Variants in SOX5 observed in about 807,000 individuals in gnomAD.
The protein encoded by SOX5 is transcription factor SOX-5.
A neutral mutation model predicts 92.0 loss-of-function variants in SOX5; 9 were observed. The ratio of observed to expected loss-of-function variants is 0.10; its 90% CI spans 0.06 to 0.17. SOX5 has a LOEUF of 0.17. Among genes scored for constraint, SOX5 ranks in the 10% least tolerant of loss-of-function variants. SOX5 has a pLI of 1.00. For missense variants in SOX5, 642 were observed against 944.5 expected (o/e 0.68, Z 4.20); for synonymous variants, 344 against 336.3 (o/e 1.02, Z -0.25).
At chr12:24,409,773 T>C (rs1402285185) in intron 1 of SOX5, among the ~76,000 whole-genome samples, 1 of 152,214 alleles carries the variant, frequency 6.6e-6, no homozygotes, top group African/African-American at 2.4e-5. Flanking sequence ...TCTTTTTACG[T>C]GCTTAGCTGC....
chr12:24,191,398 G>C (rs1956512401), intron 4 of SOX5, among the ~76,000 whole-genome samples: 1 of 152,162 alleles, frequency 6.6e-6, no homozygotes, highest in Non-Finnish European at 1.5e-5. Flanking sequence ...TGTGTTGGGA[G>C]AGTCTGCTGC....
intron 10 of SOX5, among the ~76,000 whole-genome samples, chr12:23,573,349 T>A (rs1198874301): frequency 6.6e-6 from 1 of 152,188 alleles, no homozygotes; most frequent in Non-Finnish European, 1.5e-5. Flanking sequence ...TTCAAACCAT[T>A]CATTAAAACT....
At chr12:23,657,810 G>C (rs1300261107) in intron 7 of SOX5, among the ~76,000 whole-genome samples, 1 of 152,122 alleles carries the variant, frequency 6.6e-6, no homozygotes, top group Non-Finnish European at 1.5e-5. Context: ...TCCATCTTAT[G>C]TTTATACATT....
intron 4 of SOX5, among the ~76,000 whole-genome samples, chr12:23,984,499 T>C (rs1014581806): frequency 6.6e-6 from 1 of 152,200 alleles, no homozygotes; most frequent in Non-Finnish European, 1.5e-5. Context: ...GAATAGTGTG[T>C]TCACAATTCT....
At chr12:23,694,582 T>C (rs953659552) in intron 6 of SOX5, among the ~76,000 whole-genome samples, 3 of 152,104 alleles carry the variant, frequency 2.0e-5, no homozygotes, top group Non-Finnish European at 4.4e-5. Context: ...TTACATACAA[T>C]AAATACAATA....
chr12:23,832,443 G>C (rs1212957859), intron 3 of SOX5, among the ~76,000 whole-genome samples: 1 of 151,942 alleles, frequency 6.6e-6, no homozygotes, highest in Non-Finnish European at 1.5e-5. Context: ...GTATATAAAA[G>C]TATTCTGGGA....
chr12:24,077,094 C>T (rs940528868), intron 4 of SOX5, among the ~76,000 whole-genome samples: 3 of 152,156 alleles, frequency 2.0e-5, no homozygotes, highest in African/African-American at 7.2e-5. Flanking sequence ...AAATAATTCA[C>T]TTTTGCAGAT....
At chr12:23,972,953 C>T (rs1422816674) in intron 4 of SOX5, among the ~76,000 whole-genome samples, 2 of 152,084 alleles carry the variant, frequency 1.3e-5, no homozygotes, top group Non-Finnish European at 2.9e-5. Context: ...ATCCACATCT[C>T]CCCTTTTCCC....
intron 2 of SOX5, chr12:24,367,873 A>G (rs920768019): frequency 2.6e-4 from 39 of 152,172 alleles, no homozygotes; most frequent in African/African-American, 9.4e-4. Context: ...CTATTCCCCT[A>G]CAATGAACTA....
intron 1 of SOX5, among the ~76,000 whole-genome samples, chr12:24,370,440 G>T (rs1012521458): frequency 7.7e-6 from 1 of 130,612 alleles, no homozygotes; most frequent in East Asian, 2.3e-4. Context: ...CTGCGCCACC[G>T]CACTCCAGCC....
intron 2 of SOX5, among the ~76,000 whole-genome samples, chr12:24,277,677 T>C (rs1259043782): frequency 6.6e-6 from 1 of 151,472 alleles, no homozygotes; most frequent in Non-Finnish European, 1.5e-5. Flanking sequence ...ACAATTAATC[T>C]AAAAACTCAG....
At chr12:24,531,767 G>A (rs1485243729) in intron 1 of SOX5, among the ~76,000 whole-genome samples, 7 of 152,070 alleles carry the variant, frequency 4.6e-5, no homozygotes, top group African/African-American at 1.7e-4. Flanking sequence ...TTATTCACTG[G>A]ACTTGGTCAA....
At chr12:24,460,477 A>C (rs535331951) in intron 1 of SOX5, 1 of 152,356 alleles carries the variant, frequency 6.6e-6, no homozygotes, top group East Asian at 1.9e-4. Flanking sequence ...TAAACGACAG[A>C]GATGCTCAAC....
intron 4 of SOX5, among the ~76,000 whole-genome samples, chr12:24,015,287 A>G (rs1435129859): frequency 6.6e-6 from 1 of 152,096 alleles, no homozygotes; most frequent in Non-Finnish European, 1.5e-5. Flanking sequence ...TTTCACAAAA[A>G]AGCCAGCCTC....
At chr12:23,680,739 T>C (rs990148832) in intron 6 of SOX5, among the ~76,000 whole-genome samples, 3 of 152,174 alleles carry the variant, frequency 2.0e-5, no homozygotes, top group Non-Finnish European at 4.4e-5. Flanking sequence ...AAGGCAAAGA[T>C]AAACCTTAAA....
intron 6 of SOX5, among the ~76,000 whole-genome samples, chr12:23,695,509 T>C (rs534346853): frequency 1.3e-5 from 2 of 152,338 alleles, no homozygotes; most frequent in South Asian, 2.1e-4. Flanking sequence ...TAAATAAGTA[T>C]TGAGTTTTGT....
intron 4 of SOX5, among the ~76,000 whole-genome samples, chr12:24,099,432 T>C (rs965711699): frequency 2.0e-5 from 3 of 152,198 alleles, no homozygotes; most frequent in African/African-American, 7.2e-5. Flanking sequence ...CAGGAGTCTC[T>C]GGATCAGTTA....
At position 23,534,516 on chromosome 12, in the gene SOX5, T is replaced by C. The variant is rs762977917; in HGVS notation, c.1995A>G (p.Gln665=). The C allele has an allele frequency of 3.1e-6, 5 of 1,608,198 alleles. No homozygotes were observed. Among genetic ancestry groups the C allele is most frequent in the Non-Finnish European group, 3.4e-6 (4 of 1,176,640 alleles). The change falls in exon 15 of 15, where the codon CAA becomes CAG. Residue 665 remains glutamine, a synonymous_variant. Coordinates refer to ENST00000451604, the MANE Select transcript of SOX5 (RefSeq NM_006940.6). ...EMRQYFNVGQ[Q]AQIPIATAGV... ...CAGCAGTGGCAATGGGGATCTGTGC[T>C]TGTTGCCTGTCAAGAAAGGAATTTC... is the stretch of plus-strand genomic sequence containing the variant.
At chr12:24,365,062 G>A (rs1258996613) in intron 2 of SOX5, among the ~76,000 whole-genome samples, 1 of 152,060 alleles carries the variant, frequency 6.6e-6, no homozygotes, top group Non-Finnish European at 1.5e-5. Flanking sequence ...TAAACTTGAG[G>A]AGCAGTAATG....
Sources: gnomAD v4.1 joint callset for allele counts (sites outside exome capture counted in the v4.1 genomes callset) on GRCh38, gnomAD v4.1.1 for gene constraint, MANE v1.5 for transcripts, NCBI Gene and HGNC (gene_info 2026-07-23, HGNC 2026-07-21) for gene names.